Variants in ZNF469 observed in about 807,000 individuals in gnomAD.
The protein encoded by ZNF469 is zinc finger protein 469.
A neutral mutation model predicts 1.0 loss-of-function variants in ZNF469; 1 was observed. The observed-to-expected ratio is 1.00, with a 90% confidence interval of 0.35 to 4.73. ZNF469 has a LOEUF of 4.73. Among genes scored for constraint, ZNF469 ranks in the 30% most tolerant of loss-of-function variants. The pLI is 0.16. For synonymous variants in ZNF469, 2,703 were observed against 2,363.4 expected, an observed-to-expected ratio of 1.14 and a Z score of -4.17; for missense variants, 6,100 against 5,356.3, an observed-to-expected ratio of 1.14 and a Z score of -4.33.
chr16:88,390,358 C>T (rs1904453002), intron 1 of ZNF469, among the ~76,000 whole-genome samples: 1 of 152,232 alleles, frequency 6.6e-6, no homozygotes, highest in South Asian at 2.1e-4. Context: ...GGCACCTGTC[C>T]AGAGCCTACC....
chr16:88,142,750 G>A, the ZNF469 span, among the ~76,000 whole-genome samples: 12 of 152,214 alleles, frequency 7.9e-5, no homozygotes, highest in Admixed American at 1.3e-4. Context: ...GGAGTCGGCC[G>A]GCAGCAGCTG....
the ZNF469 span, among the ~76,000 whole-genome samples, chr16:88,203,378 G>A: frequency 0.4 from 61,532 of 152,038 alleles, 12,723 homozygotes; most frequent in Admixed American, 0.48. Context: ...ACAGGTGCCC[G>A]GGGTTGTCAC....
chr16:88,232,772 CAT>C, the ZNF469 span, among the ~76,000 whole-genome samples: 1 of 152,252 alleles, frequency 6.6e-6, no homozygotes, highest in African/African-American at 2.4e-5. Flanking sequence ...GATTGCAACT[CAT>C]GTGTCCTTGA....
Position 88,439,051 on chromosome 16 carries a change from A to G in ZNF469, c.11581A>G (p.Lys3861Glu). Reference sequence around the variant, plus strand: ...AACTCCCAGCCGCGTGCTCCCGACCAAGCCCAAGCCCAACAGCCAGAACAA... The same window carrying G: ...AACTCCCAGCCGCGTGCTCCCGACCGAGCCCAAGCCCAACAGCCAGAACAA... Reference protein sequence around the residue: ...QATPSRVLPTKPKPNSQNKPR... With the variant: ...QATPSRVLPTEPKPNSQNKPR... The change falls in exon 3 of 3, where the codon AAG becomes GAG. Residue 3861 changes from lysine to glutamate, a missense_variant. Transcript: ENST00000565624. 1 of 1,550,242 alleles carries G rather than the reference A, an allele frequency of 6.5e-7. No individual in the cohort carries two copies.
chr16:88,182,798 A>G, the ZNF469 span, among the ~76,000 whole-genome samples: 555 of 151,660 alleles, frequency 3.7e-3, 8 homozygotes, highest in East Asian at 0.027. Context: ...AAACATCTAG[A>G]AGAAAACAAA....
chr16:88,376,757 C>A, the ZNF469 span, among the ~76,000 whole-genome samples: 1 of 152,232 alleles, frequency 6.6e-6, no homozygotes, highest in Non-Finnish European at 1.5e-5. Context: ...GTCCCGGCCA[C>A]ACGGCTGGCA....
At chr16:88,381,153 C>T (rs1367546354), upstream of ZNF469, among the ~76,000 whole-genome samples, 4 of 147,116 alleles carry the variant, frequency 2.7e-5, no homozygotes, top group African/African-American at 1.0e-4. Flanking sequence ...CACACACTCA[C>T]ACACAGACAC....
intron 1 of ZNF469, among the ~76,000 whole-genome samples, chr16:88,399,684 C>T (rs1904799063): frequency 6.6e-6 from 1 of 152,260 alleles, no homozygotes; most frequent in Admixed American, 6.5e-5. Flanking sequence ...CAGGTATGAG[C>T]TGAGGCCCAC....
At chr16:88,232,981 G>T in the ZNF469 span, among the ~76,000 whole-genome samples, 1 of 152,192 alleles carries the variant, frequency 6.6e-6, no homozygotes, top group Non-Finnish European at 1.5e-5. Flanking sequence ...AGGCTGGCTG[G>T]GGTGGGGCTG....
the ZNF469 span, among the ~76,000 whole-genome samples, chr16:88,191,229 C>G: frequency 6.6e-6 from 1 of 152,026 alleles, no homozygotes; most frequent in East Asian, 1.9e-4. Context: ...GTCTGCAGTT[C>G]TACTCTTTCC....
the ZNF469 span, among the ~76,000 whole-genome samples, chr16:88,137,154 CGTGTGCATACAACCAT>C: frequency 3.9e-5 from 6 of 152,058 alleles, no homozygotes; most frequent in African/African-American, 1.4e-4. Flanking sequence ...GCAATAACCA[CGTGTGCATACAACCAT>C]GTGTGCATAC....
chr16:88,432,876 T>C lies in ZNF469; in HGVS notation c.5406T>C (p.His1802=). ...AAGCTTTTGGCAGCCCTGCTGTCCA[T>C]CTGGCCCCTGACTTGGCATTTCAGG... The part of the protein sequence containing the change: ...APEAFGSPAV[H]LAPDLAFQGD... The change falls in exon 3 of 3, where the codon CAT becomes CAC. Residue 1802 remains histidine (H), a synonymous_variant. Coordinates refer to ENST00000565624, the MANE Select transcript of ZNF469 (RefSeq NM_001367624.2). 6.5e-7 allele frequency: 1 copy of C among 1,550,240 alleles called. No individual in the cohort carries two copies. The highest frequency in any genetic ancestry group is 1.4e-5 in the African/African-American group (1 of 73,116).
chr16:88,331,734 C>T, the ZNF469 span, among the ~76,000 whole-genome samples: 1 of 150,004 alleles, frequency 6.7e-6, no homozygotes, highest in African/African-American at 2.5e-5. Flanking sequence ...ATCACCATCA[C>T]CACTATCATC....
chr16:88,274,155 C>T, the ZNF469 span, among the ~76,000 whole-genome samples: 5 of 152,178 alleles, frequency 3.3e-5, no homozygotes, highest in African/African-American at 9.7e-5. Context: ...ACTGCATGGA[C>T]GGACCCTGAG....
At chr16:88,387,409 CGGGCCGCGG>C (rs1904366956) in intron 1 of ZNF469, among the ~76,000 whole-genome samples, 1 of 152,148 alleles carries the variant, frequency 6.6e-6, no homozygotes, top group Admixed American at 6.5e-5. Flanking sequence ...CCGGGGGACT[CGGGCCGCGG>C]TCAGCACAGC....
At chr16:88,299,642 C>G in the ZNF469 span, among the ~76,000 whole-genome samples, 1 of 152,116 alleles carries the variant, frequency 6.6e-6, no homozygotes, top group African/African-American at 2.4e-5. Flanking sequence ...GGCTGGGGGT[C>G]AGGTCGCTGT....
the ZNF469 span, among the ~76,000 whole-genome samples, chr16:88,288,045 G>A: frequency 4.6e-4 from 70 of 152,188 alleles, no homozygotes; most frequent in African/African-American, 1.3e-3. Flanking sequence ...AAACACACTA[G>A]ATAATTTATC....
At chr16:88,215,726 C>A in the ZNF469 span, among the ~76,000 whole-genome samples, 6 of 151,922 alleles carry the variant, frequency 3.9e-5, no homozygotes, top group African/African-American at 1.5e-4. Flanking sequence ...AAAATTATTC[C>A]ATTATTTCCC....
the ZNF469 span, among the ~76,000 whole-genome samples, chr16:88,328,727 G>A: frequency 6.6e-6 from 1 of 152,198 alleles, no homozygotes; most frequent in Admixed American, 6.5e-5. Flanking sequence ...ACAGCTGAGT[G>A]CAATGGGAGA....
Sources: gnomAD v4.1 joint callset for allele counts (sites outside exome capture counted in the v4.1 genomes callset) on GRCh38, gnomAD v4.1.1 for gene constraint, MANE v1.5 for transcripts, NCBI Gene and HGNC (gene_info 2026-07-23, HGNC 2026-07-21) for gene names.